Variants in SGMS1 observed in about 807,000 individuals in gnomAD.
SGMS1 encodes the protein sphingomyelin synthase 1, also known as phosphatidylcholine:ceramide cholinephosphotransferase 1.
A neutral mutation model predicts 46.2 loss-of-function variants in SGMS1; 13 were observed. That is an observed-to-expected ratio of 0.28 (90% CI 0.18 to 0.45). SGMS1 has a LOEUF of 0.45. SGMS1 is among the 20% of genes least tolerant of loss of function. The pLI is 1.00. For missense variants in SGMS1, 324 were observed against 519.9 expected (o/e 0.62, Z 3.66); for synonymous variants, 203 against 187.8 (o/e 1.08, Z -0.66).
chr10:50,562,787 G>T (rs750997211), intron 2 of SGMS1, among the ~76,000 whole-genome samples: 1 of 152,028 alleles, frequency 6.6e-6, no homozygotes. Flanking sequence ...CTCGTGATCC[G>T]CCCGCCTTGG....
chr10:50,544,065 T>A (rs938771470), intron 2 of SGMS1, among the ~76,000 whole-genome samples: 1 of 152,218 alleles, frequency 6.6e-6, no homozygotes, highest in Non-Finnish European at 1.5e-5. Context: ...ATGTGTAGGT[T>A]CTGATACATT....
At chr10:50,395,484 T>A (rs1055679194) in intron 6 of SGMS1, among the ~76,000 whole-genome samples, 80 of 152,314 alleles carry the variant, frequency 5.3e-4, no homozygotes, top group African/African-American at 1.9e-3. Context: ...TTAGTCAATA[T>A]GCAATGCTTA....
chr10:50,562,353 T>C (rs61858111), intron 2 of SGMS1, among the ~76,000 whole-genome samples: 21,844 of 114,428 alleles, frequency 0.19, 2,029 homozygotes, highest in East Asian at 0.3. Context: ...TGTGTGTGTG[T>C]GTGCGCGCGC....
chr10:50,459,475 C>A (rs996316199), intron 5 of SGMS1, among the ~76,000 whole-genome samples: 1 of 152,162 alleles, frequency 6.6e-6, no homozygotes, highest in African/African-American at 2.4e-5. Context: ...AAGATCTCAG[C>A]TCACTGCAAC....
intron 1 of SGMS1, among the ~76,000 whole-genome samples, chr10:50,593,772 G>C (rs1838565187): frequency 6.6e-6 from 1 of 152,232 alleles, no homozygotes; most frequent in South Asian, 2.1e-4. Context: ...GTTGACTCAT[G>C]TGGCTTTAGT....
intron 8 of SGMS1, among the ~76,000 whole-genome samples, chr10:50,325,779 C>T (rs1002056699): frequency 2.0e-5 from 3 of 152,144 alleles, no homozygotes; most frequent in African/African-American, 7.2e-5. Context: ...ATCTACCTAC[C>T]CCTTGGTAGC....
At chr10:50,584,498 C>CAAAAAAAA (rs751224205) in intron 2 of SGMS1, among the ~76,000 whole-genome samples, 1 of 69,554 alleles carries the variant, frequency 1.4e-5, no homozygotes, top group Non-Finnish European at 2.8e-5. Flanking sequence ...GACTCCATCT[C>CAAAAAAAA]AAAAAAAAAA....
At chr10:50,454,434 A>G (rs1837164970) in intron 5 of SGMS1, among the ~76,000 whole-genome samples, 1 of 152,186 alleles carries the variant, frequency 6.6e-6, no homozygotes, top group South Asian at 2.1e-4. Context: ...TAGAGTAGTG[A>G]AAAGGGACAA....
intron 2 of SGMS1, among the ~76,000 whole-genome samples, chr10:50,574,244 A>C (rs1399036058): frequency 6.6e-6 from 1 of 152,186 alleles, no homozygotes; most frequent in East Asian, 1.9e-4. Context: ...TGCAAACCTT[A>C]TATCTGAAAA....
chr10:50,355,425 C>T (rs891548464), intron 6 of SGMS1, among the ~76,000 whole-genome samples: 2 of 152,202 alleles, frequency 1.3e-5, no homozygotes, highest in Non-Finnish European at 2.9e-5. Flanking sequence ...CAGGCGCGCG[C>T]CACCACGCCT....
intron 6 of SGMS1, among the ~76,000 whole-genome samples, chr10:50,359,509 T>C (rs2133409549): frequency 6.6e-6 from 1 of 152,270 alleles, no homozygotes; most frequent in Middle Eastern, 3.4e-3. Context: ...TTTATAGTTG[T>C]TCACTGAGGA....
At chr10:50,347,516 C>G (rs1049548361) in intron 6 of SGMS1, among the ~76,000 whole-genome samples, 1 of 152,180 alleles carries the variant, frequency 6.6e-6, no homozygotes, top group Non-Finnish European at 1.5e-5. Context: ...GGCAGAAGGT[C>G]AGGAAGAAAA....
rs977934449 is a variant in SGMS1 at position 50,460,669 on chromosome 10, A to C, written c.-313+4T>G. On this transcript the variant is annotated splice_donor_region_variant and intron_variant, in intron 5 of 10. Coordinates refer to ENST00000361781, the MANE Select transcript of SGMS1 (RefSeq NM_147156.4). The stretch of plus-strand genomic sequence containing the variant: ...TTCAATCCAAGTTCTCCGTCAATAC[A>C]TACCTGCAACAGCCACTGTTTTGCA... 3.3e-5 allele frequency: 5 copies of C among 152,298 alleles called. No homozygotes were observed. The highest frequency in any genetic ancestry group is 7.3e-5 in the Non-Finnish European group (5 of 68,034). 9.4% of individuals were successfully genotyped at this position (152,298 alleles called of 1,614,324 possible). A position where few individuals can be genotyped will look rare whatever the true frequency, so the allele number is the denominator to read the frequency against.
rs540122711 is a variant in SGMS1, at chr10:50,320,327, G to C, written c.741+6878C>G. ...GCCACTCAGTACCTATAAGACATTA[G>C]GCTGGTCACATAACTCTGAACCAAC... On this transcript the variant is annotated intron_variant, in intron 8 of 10. Transcript: ENST00000361781. Among the ~76,000 whole-genome samples, 350 of 152,248 alleles carry C rather than the reference G, an allele frequency of 2.3e-3. 1 individual carries two copies. Among genetic ancestry groups the C allele is most frequent in the Middle Eastern group, 6.8e-3 (2 of 294 alleles).
At chr10:50,330,220 G>C (rs1214253014) in intron 7 of SGMS1, among the ~76,000 whole-genome samples, 2 of 152,124 alleles carry the variant, frequency 1.3e-5, no homozygotes, top group Non-Finnish European at 2.9e-5. Flanking sequence ...TTGGGAGGCT[G>C]AGGCAGGTGG....
intron 6 of SGMS1, among the ~76,000 whole-genome samples, chr10:50,416,975 G>C (rs1013511547): frequency 6.6e-6 from 1 of 151,834 alleles, no homozygotes; most frequent in Admixed American, 6.6e-5. Flanking sequence ...CTTCATAAAT[G>C]CATGTGTAAT....
At chr10:50,394,908 A>T (rs1168375988) in intron 6 of SGMS1, among the ~76,000 whole-genome samples, 1 of 152,216 alleles carries the variant, frequency 6.6e-6, no homozygotes, top group East Asian at 1.9e-4. Flanking sequence ...TTTTAAAGTA[A>T]TGAACCAGAT....
At chr10:50,392,029 T>C (rs971615304) in intron 6 of SGMS1, among the ~76,000 whole-genome samples, 8 of 151,850 alleles carry the variant, frequency 5.3e-5, no homozygotes, top group African/African-American at 1.7e-4. Flanking sequence ...CAGGGCCTAC[T>C]TGAGGGTGGA....
chr10:50,563,738 G>T (rs55735989), intron 2 of SGMS1, among the ~76,000 whole-genome samples: 37,921 of 101,182 alleles, frequency 0.37, 5,918 homozygotes, highest in African/African-American at 0.49. Flanking sequence ...GCGAGACTCC[G>T]TCTCAAAAAA....
Sources: allele counts gnomAD v4.1 joint callset (sites outside exome capture counted in the v4.1 genomes callset), GRCh38; gene constraint gnomAD v4.1.1; transcripts MANE v1.5; gene names NCBI Gene and HGNC (gene_info 2026-07-23, HGNC 2026-07-21).